Variants in TMEM91 observed in about 807,000 individuals in gnomAD.
TMEM91 encodes dispanin subfamily C member 3.
TMEM91 carries 6 observed loss-of-function variants against 13.3 expected under a neutral mutation model. That is an observed-to-expected ratio of 0.45 (90% confidence interval 0.25 to 0.89). The LOEUF is 0.89. TMEM91 is among the 40% of genes least tolerant of loss of function. TMEM91 has a pLI of 0.19. For synonymous variants in TMEM91, 87 were observed against 101.7 expected (o/e 0.86, Z 0.87); for missense variants, 193 against 228.7 (o/e 0.84, Z 1.01).
In TMEM91 at chr19:41,383,264, C is replaced by T. The variant is rs1053222841; in HGVS notation, c.360+343C>T. 17 of 377,284 alleles carry T rather than the reference C, an allele frequency of 4.5e-5. No individual in the cohort carries two copies. The East Asian group carries it at 7.5e-4, about 17-fold the overall frequency. 23.4% of individuals were successfully genotyped at this position (377,284 alleles called of 1,614,324 possible). A position where few individuals can be genotyped will look rare whatever the true frequency, so the allele number is the denominator to read the frequency against. On this transcript the variant is annotated intron_variant, in intron 3 of 3. Coordinates refer to ENST00000392002, the MANE Select transcript of TMEM91 (RefSeq NM_001098821.2). ...AGACGGGGTTTCACCACGTTGGCCA[C>T]GCTGGTCTCGAACTCCTGACCTCAA...
intron 2 of TMEM91, among the ~76,000 whole-genome samples, chr19:41,380,292 G>A (rs1045842334): frequency 6.6e-6 from 1 of 152,094 alleles, no homozygotes; most frequent in Non-Finnish European, 1.5e-5. Context: ...TGTACCTCCA[G>A]CCTACAGCAT....
intron 3 of TMEM91, 197 bp from the exon 4 acceptor site, chr19:41,383,517 TA>T (rs1186359137): frequency 2.1e-5 from 31 of 1,461,522 alleles, no homozygotes; most frequent in Non-Finnish European, 2.7e-5. Context: ...AATTTATTAT[TA>T]TTATTATTTT....
upstream of TMEM91, among the ~76,000 whole-genome samples, chr19:41,375,117 C>A (rs1296043245): frequency 6.6e-6 from 1 of 152,026 alleles, no homozygotes; most frequent in Non-Finnish European, 1.5e-5. Context: ...CCTTCTTTCC[C>A]TAGAAACTCC....
At chr19:41,370,487 A>G (rs2038598042) in intron 1 of TMEM91, among the ~76,000 whole-genome samples, 2 of 151,274 alleles carry the variant, frequency 1.3e-5, no homozygotes, top group South Asian at 2.1e-4. Flanking sequence ...GCTCACTGCA[A>G]CCTCCGCCTT....
intron 2 of TMEM91, among the ~76,000 whole-genome samples, chr19:41,381,606 C>T (rs923756822): frequency 5.9e-5 from 9 of 152,044 alleles, no homozygotes; most frequent in Admixed American, 2.0e-4. Context: ...CCTCATGATC[C>T]GCCTGCCTTG....
upstream of TMEM91, among the ~76,000 whole-genome samples, chr19:41,374,914 C>T (rs887657487): frequency 3.3e-5 from 5 of 152,020 alleles, no homozygotes; most frequent in African/African-American, 9.7e-5. Flanking sequence ...ACCTGGGAGG[C>T]GGAGGTTGCG....
intron 2 of TMEM91, among the ~76,000 whole-genome samples, chr19:41,382,366 G>A (rs998789406): frequency 2.8e-4 from 43 of 151,950 alleles, no homozygotes; most frequent in Non-Finnish European, 5.9e-5. Context: ...GCTCATGCCT[G>A]TAATCCTGGC....
chr19:41,379,358 A>C (rs1254931848), intron 2 of TMEM91, among the ~76,000 whole-genome samples: 5 of 144,110 alleles, frequency 3.5e-5, no homozygotes, highest in Non-Finnish European at 7.5e-5. Flanking sequence ...AATTAGAAAG[A>C]CCCCATCTTA....
intron 3 of TMEM91, chr19:41,383,509 T>C (rs1360247537): frequency 7.6e-6 from 11 of 1,441,128 alleles, no homozygotes; most frequent in East Asian, 5.2e-5. Context: ...TTTTTTAAAA[T>C]TTATTATTAT....
intron 1 of TMEM91, among the ~76,000 whole-genome samples, chr19:41,370,713 AT>A (rs932074139): frequency 1.3e-5 from 2 of 149,080 alleles, no homozygotes; most frequent in Non-Finnish European, 3.0e-5. Flanking sequence ...CCACCTATTT[AT>A]TTTTTTGAGA....
At chr19:41,364,061 G>A (rs1599913921) in exon 1 of TMEM91, 1 of 169,258 alleles carries the variant, frequency 5.9e-6, no homozygotes, top group Non-Finnish European at 1.3e-5. Context: ...GGCCTGGCTC[G>A]CGCCTCTCCC....
At chr19:41,378,629 G>C in intron 2 of TMEM91, 110 bp downstream of exon 2, 1 of 1,099,172 alleles carries the variant, frequency 9.1e-7, no homozygotes, top group Non-Finnish European at 1.3e-6. Flanking sequence ...TAGGCCTGGA[G>C]TCTCACTTCC....
At chr19:41,380,913 CAAAAAAA>C (rs35462984) in intron 2 of TMEM91, among the ~76,000 whole-genome samples, 8 of 67,474 alleles carry the variant, frequency 1.2e-4, no homozygotes, top group East Asian at 4.3e-4. Context: ...AACTCTGTCT[CAAAAAAA>C]AAAAAAAAAA....
intron 1 of TMEM91, among the ~76,000 whole-genome samples, chr19:41,365,008 T>C (rs1304244854): frequency 6.6e-6 from 1 of 151,790 alleles, no homozygotes; most frequent in African/African-American, 2.4e-5. Context: ...CCCATGTAGC[T>C]GGTATCACAG....
At chr19:41,381,454 G>A (rs951890971) in intron 2 of TMEM91, among the ~76,000 whole-genome samples, 2 of 150,610 alleles carry the variant, frequency 1.3e-5, no homozygotes, top group Admixed American at 6.7e-5. Flanking sequence ...TCTGCCTCCC[G>A]GGTTCATGCC....
At chr19:41,371,162 C>T (rs140138301) in intron 1 of TMEM91, among the ~76,000 whole-genome samples, 12 of 148,380 alleles carry the variant, frequency 8.1e-5, no homozygotes, top group African/African-American at 2.0e-4. Flanking sequence ...CCATCATGCC[C>T]GGCTGACTTT....
intron 1 of TMEM91, among the ~76,000 whole-genome samples, chr19:41,368,424 TTG>T (rs1568488576): frequency 1.5e-4 from 20 of 136,080 alleles, no homozygotes. Flanking sequence ...CACCTTTTTT[TTG>T]GGGGGGGTGG....
At chr19:41,383,513 T>C (rs751348898) in intron 3 of TMEM91, 6 of 1,449,812 alleles carry the variant, frequency 4.1e-6, no homozygotes, top group African/African-American at 1.5e-5. Flanking sequence ...TTAAAATTTA[T>C]TATTATTATT....
intron 3 of TMEM91, 24 bp downstream of exon 3, chr19:41,382,945 AGGGGACTGGGC>A (rs138731997): frequency 0.13 from 213,592 of 1,611,338 alleles, 15,251 homozygotes; most frequent in Middle Eastern, 0.16. Context: ...TGGGACTTGG[AGGGGACTGGGC>A]ATAAAAGAGA....
Sources: gnomAD v4.1 joint callset for allele counts (sites outside exome capture counted in the v4.1 genomes callset) on GRCh38, gnomAD v4.1.1 for gene constraint, MANE v1.5 for transcripts, NCBI Gene and HGNC (gene_info 2026-07-23, HGNC 2026-07-21) for gene names.